Variants in HHIPL1 observed in about 807,000 individuals in gnomAD.
HHIPL1 encodes HHIP like 1, also known as HHIP-like protein 1.
A neutral mutation model predicts 61.8 loss-of-function variants in HHIPL1; 43 were observed. That is an observed-to-expected ratio of 0.70 (90% CI 0.55 to 0.90). The LOEUF (loss-of-function observed/expected upper bound fraction) is 0.90. Ranked by LOEUF, HHIPL1 falls within the 40% of genes least tolerant of loss-of-function variation. The probability of loss-of-function intolerance (pLI) is 0.00; values close to 1 mark genes in which losing one functional copy is unlikely to be tolerated. For missense variants in HHIPL1, 1,056 were observed against 1,157.7 expected (o/e 0.91, Z 1.28); for synonymous variants, 482 against 515.8 (o/e 0.93, Z 0.89).
At chr14:99,647,783 G>T (rs563448707) in intron 1 of HHIPL1, among the ~76,000 whole-genome samples, 1 of 152,304 alleles carries the variant, frequency 6.6e-6, no homozygotes, top group East Asian at 1.9e-4. Context: ...CTCTGTCAGT[G>T]TGGAGGCACT....
At chr14:99,648,887 A>G (rs8020407) in intron 1 of HHIPL1, among the ~76,000 whole-genome samples, 148,662 of 152,290 alleles carry the variant, frequency 0.98, 72,663 homozygotes, top group Middle Eastern at 1. Flanking sequence ...ACCCAGGGCC[A>G]TGAGTCACGA....
intron 2 of HHIPL1, among the ~76,000 whole-genome samples, chr14:99,656,777 A>C (rs1284973872): frequency 0.02 from 99 of 5,056 alleles, 8 homozygotes; most frequent in Non-Finnish European, 0.05. Flanking sequence ...TCTGTCTGCA[A>C]AAAGAAAAGA....
At chr14:99,644,716 C>A (rs1270973637), upstream of HHIPL1, among the ~76,000 whole-genome samples, 1 of 152,158 alleles carries the variant, frequency 6.6e-6, no homozygotes, top group African/African-American at 2.4e-5. Flanking sequence ...CCAGGTTTCA[C>A]TTCTCCCTGA....
chr14:99,640,957 G>A (rs1197463951), upstream of HHIPL1, among the ~76,000 whole-genome samples: 1 of 136,358 alleles, frequency 7.3e-6, no homozygotes, highest in African/African-American at 2.8e-5. Context: ...TGCGATCTTG[G>A]CTCACTGCAA....
intron 7 of HHIPL1, among the ~76,000 whole-genome samples, chr14:99,670,404 G>A (rs976253099): frequency 2.0e-5 from 3 of 152,086 alleles, no homozygotes; most frequent in Admixed American, 6.5e-5. Flanking sequence ...GAGCCCCCAC[G>A]CCCAGACTCC....
the HHIPL1 span, among the ~76,000 whole-genome samples, chr14:99,623,515 G>A: frequency 8.5e-5 from 13 of 152,132 alleles, no homozygotes; most frequent in South Asian, 2.1e-4. Context: ...TTCCTGGGCT[G>A]TGGTCCTCCC....
the HHIPL1 span, among the ~76,000 whole-genome samples, chr14:99,635,154 G>A: frequency 6.6e-6 from 1 of 152,130 alleles, no homozygotes; most frequent in African/African-American, 2.4e-5. Context: ...AGGGGTGGAG[G>A]TCCCAGGGAG....
Position 99,646,798 on chromosome 14 carries a change from ATATGATATGATATGATATGATATGATATG to A in HHIPL1, c.255+1337_255+1365del, listed in dbSNP as rs2055842787. Among the ~76,000 whole-genome samples the A allele has an allele frequency of 5.5e-5, 5 of 91,096 alleles. No individual in the cohort carries two copies. In the South Asian group the frequency reaches 1.7e-3, roughly 32 times the overall value. 59.8% of individuals were successfully genotyped at this position (91,096 alleles called of 152,430 possible). A position where few individuals can be genotyped will look rare whatever the true frequency, so the allele number is the denominator to read the frequency against. On this transcript the variant is annotated intron_variant, in intron 1 of 8. Transcript: ENST00000330710. ...CAAAAATATAATATAATATAATATG[ATATGATATGATATGATATGATATGATATG>A]ATATGATATAATATAATATAATATA...
the HHIPL1 span, among the ~76,000 whole-genome samples, chr14:99,628,581 C>CAAAAAAAAAAAAAAAGAA: frequency 1.9e-5 from 1 of 53,606 alleles, no homozygotes; most frequent in Non-Finnish European, 4.2e-5. Context: ...AACTCCAACT[C>CAAAAAAAAAAAAAAAGAA]AAAAAAAAAA....
chr14:99,659,293 T>G, intron 3 of HHIPL1, 135 bp from the exon 4 acceptor site: 1 of 611,756 alleles, frequency 1.6e-6, no homozygotes, highest in Non-Finnish European at 2.6e-6. Flanking sequence ...CATCCCAGGG[T>G]CTCTGGCCCC....
chr14:99,645,198 G>A lies in HHIPL1; in HGVS notation c.-10G>A. 7.8e-7 allele frequency: 1 copy of A among 1,278,524 alleles called. No homozygotes were observed. Among genetic ancestry groups the A allele is most frequent in the Non-Finnish European group, 9.9e-7 (1 of 1,013,368 alleles). 79.2% of individuals were successfully genotyped at this position (1,278,524 alleles called of 1,614,324 possible). ...CCGTCCCTCCGCCTCTTCCCCCGCG[G>A]GGCGTAGCGATGGCCCGGGCCAGGG... On this transcript the variant is annotated 5_prime_UTR_variant, in exon 1 of 9. Transcript: ENST00000330710.
upstream of HHIPL1, among the ~76,000 whole-genome samples, chr14:99,641,866 T>C (rs371097143): frequency 5.6e-4 from 86 of 152,334 alleles, no homozygotes; most frequent in African/African-American, 1.7e-3. Context: ...TTTTTTGGTA[T>C]TTATCCTGCT....
intron 4 of HHIPL1, 85 bp downstream of exon 4, chr14:99,659,841 A>ACC (rs1284817885): frequency 1.1e-5 from 4 of 368,506 alleles, no homozygotes; most frequent in East Asian, 4.7e-5. Context: ...TCCCTCGGAG[A>ACC]CCGCACCCCC....
Position 99,659,281 on chromosome 14 carries a change from A to G in HHIPL1, c.1047-147A>G, listed in dbSNP as rs371345341. 1,089 of 561,798 alleles carry G rather than the reference A, an allele frequency of 1.9e-3. 19 individuals carry two copies. The South Asian group carries it at 0.024, about 12-fold the overall frequency. 34.8% of individuals were successfully genotyped at this position (561,798 alleles called of 1,614,324 possible). A position where few individuals can be genotyped will look rare whatever the true frequency, so the allele number is the denominator to read the frequency against. Reference sequence around the variant, plus strand: ...CCGGCTGTAAGTAGTTAAGGCGGACAGCATCCCAGGGTCTCTGGCCCCACA... The same window carrying G: ...CCGGCTGTAAGTAGTTAAGGCGGACGGCATCCCAGGGTCTCTGGCCCCACA... On this transcript the variant is annotated intron_variant, in intron 3 of 8. Coordinates refer to ENST00000330710, the MANE Select transcript of HHIPL1 (RefSeq NM_001127258.3).
chr14:99,669,306 T>C, intron 7 of HHIPL1: 1 of 1,025,454 alleles, frequency 9.8e-7, no homozygotes, highest in Non-Finnish European at 1.2e-6. Context: ...GATTTTCGCT[T>C]CTCTGCTGGC....
chr14:99,626,358 G>A, the HHIPL1 span, among the ~76,000 whole-genome samples: 1 of 152,128 alleles, frequency 6.6e-6, no homozygotes, highest in Non-Finnish European at 1.5e-5. Flanking sequence ...CAGCTTCCCT[G>A]CTCCCATCAG....
chr14:99,642,418 C>T (rs937841952), upstream of HHIPL1, among the ~76,000 whole-genome samples: 2 of 152,324 alleles, frequency 1.3e-5, no homozygotes, highest in Admixed American at 6.5e-5. Context: ...GAAGCTGCTG[C>T]TGACGCATCT....
rs1229038292 is a variant in HHIPL1 at position 99,668,575 on chromosome 14, C to T, written c.1730+272C>T. Among the ~76,000 whole-genome samples, 1 of 152,130 alleles carries T rather than the reference C, an allele frequency of 6.6e-6. No homozygotes were observed. Among genetic ancestry groups the T allele is most frequent in the Non-Finnish European group, 1.5e-5 (1 of 68,004 alleles). ...TGACTGGGGCCGCGGGCCGAGGCTT[C>T]ACTTGGCTTTCTTGCCTGGCCCGCC... is the stretch of plus-strand genomic sequence containing the variant. On this transcript the variant is annotated intron_variant, in intron 7 of 8. Transcript: ENST00000330710. This position sits in a 1 kb window ranked among gnomAD's most constrained non-coding sequence, Gnocchi z 4.7.
chr14:99,642,232 G>T (rs2140043624), upstream of HHIPL1, among the ~76,000 whole-genome samples: 1 of 152,294 alleles, frequency 6.6e-6, no homozygotes, highest in Non-Finnish European at 1.5e-5. Context: ...GAGCCACTGT[G>T]CCTGCCCTTT....
Sources: gnomAD v4.1 joint callset for allele counts (sites outside exome capture counted in the v4.1 genomes callset) on GRCh38, gnomAD v4.1.1 for gene constraint, Gnocchi (gnomAD v3.1) non-coding constraint, MANE v1.5 for transcripts, NCBI Gene and HGNC (gene_info 2026-07-23, HGNC 2026-07-21) for gene names.